The following EPHA5 variants were observed in gnomAD, a reference collection of about 807,000 sequenced individuals.
EPHA5 encodes EPH receptor A5.
A neutral mutation model predicts 105.0 loss-of-function variants in EPHA5; 60 were observed. That is an observed-to-expected ratio of 0.57 (90% CI 0.46 to 0.71). The LOEUF is 0.71. Among genes scored for constraint, EPHA5 ranks in the 30% least tolerant of loss-of-function variants. The pLI, the probability that EPHA5 is intolerant of heterozygous loss-of-function variation, is 0.00. For synonymous variants in EPHA5, 513 were observed against 449.1 expected (o/e 1.14, Z -1.80); for missense variants, 1,218 against 1,274.7 (o/e 0.96, Z 0.68).
intron 3 of EPHA5, among the ~76,000 whole-genome samples, chr4:65,587,529 T>C (rs1439133996): frequency 6.6e-6 from 1 of 152,092 alleles, no homozygotes; most frequent in Non-Finnish European, 1.5e-5. Context: ...TTTAAACCCA[T>C]GTACACAATC....
chr4:65,428,739 C>T (rs1023174222), intron 5 of EPHA5, among the ~76,000 whole-genome samples: 7 of 151,710 alleles, frequency 4.6e-5, no homozygotes, highest in Non-Finnish European at 1.0e-4. Flanking sequence ...CAGCAGGAAA[C>T]GAAAGTAACT....
At chr4:65,341,394 T>A (rs2148824929) in intron 14 of EPHA5, among the ~76,000 whole-genome samples, 1 of 151,994 alleles carries the variant, frequency 6.6e-6, no homozygotes, top group African/African-American at 2.4e-5. Context: ...GTCACACCAT[T>A]GAAATTAGAA....
intron 14 of EPHA5, 46 bp downstream of exon 14, chr4:65,348,008 C>A (rs1400865166): frequency 6.6e-7 from 1 of 1,505,734 alleles, no homozygotes; most frequent in Non-Finnish European, 8.9e-7. Context: ...ACTCAGAGAA[C>A]AAAGCATTTC....
At chr4:65,474,087 G>A (rs1191862372) in intron 5 of EPHA5, among the ~76,000 whole-genome samples, 2 of 151,752 alleles carry the variant, frequency 1.3e-5, no homozygotes, top group Admixed American at 6.6e-5. Context: ...GAGTTAATGG[G>A]TGCAGCACAC....
chr4:65,605,935 T>A lies in EPHA5; in HGVS notation c.247-3631A>T, dbSNP rs148743012. 3.4e-3 allele frequency among the ~76,000 whole-genome samples: 521 copies of A among 152,232 alleles called. 11 individuals carry two copies. Among genetic ancestry groups the A allele is most frequent in the Admixed American group, 0.029 (450 of 15,286 alleles). ...AAGAGCCTTAAAAGAGCCAGTCCTATTGTTCATTTTAGAAATAAGAAATTG... is the reference window on the plus strand; with the variant it reads ...AAGAGCCTTAAAAGAGCCAGTCCTAATGTTCATTTTAGAAATAAGAAATTG... On this transcript the variant is annotated intron_variant, in intron 2 of 16. Transcript: ENST00000613740.
chr4:65,374,432 A>T (rs1469678895), intron 8 of EPHA5, among the ~76,000 whole-genome samples: 1 of 151,962 alleles, frequency 6.6e-6, no homozygotes, highest in East Asian at 1.9e-4. Flanking sequence ...ATATCATCTT[A>T]TAAATGGCAC....
At chr4:65,460,980 T>A (rs1029167760) in intron 5 of EPHA5, among the ~76,000 whole-genome samples, 1 of 151,912 alleles carries the variant, frequency 6.6e-6, no homozygotes, top group Non-Finnish European at 1.5e-5. Flanking sequence ...ATGGATTGTA[T>A]GTGTGATAAA....
intron 3 of EPHA5, among the ~76,000 whole-genome samples, chr4:65,569,620 TG>T (rs1226215148): frequency 4.0e-5 from 6 of 151,678 alleles, no homozygotes; most frequent in Non-Finnish European, 8.9e-5. Context: ...CTCTTTTACT[TG>T]AAACATGCAT....
At chr4:65,664,579 A>G (rs549550978) in intron 1 of EPHA5, among the ~76,000 whole-genome samples, 1 of 152,096 alleles carries the variant, frequency 6.6e-6, no homozygotes, top group East Asian at 1.9e-4. Flanking sequence ...CCCATTAGGT[A>G]TATAAGTATA....
intron 8 of EPHA5, among the ~76,000 whole-genome samples, chr4:65,375,506 A>G (rs1209054411): frequency 6.6e-6 from 1 of 152,026 alleles, no homozygotes; most frequent in South Asian, 2.1e-4. Context: ...GTAGAAAAAG[A>G]TACTATCTTT....
At chr4:65,328,308 T>C (rs931212644) in intron 16 of EPHA5, among the ~76,000 whole-genome samples, 3 of 151,284 alleles carry the variant, frequency 2.0e-5, no homozygotes, top group Non-Finnish European at 4.4e-5. Context: ...TACATTTCAG[T>C]ATTTTTTCAA....
At chr4:65,353,327 T>C (rs1176099396) in intron 11 of EPHA5, among the ~76,000 whole-genome samples, 4 of 147,900 alleles carry the variant, frequency 2.7e-5, no homozygotes, top group Non-Finnish European at 6.0e-5. Context: ...TTTTAATATA[T>C]TTAATATTTT....
chr4:65,404,285 T>A, intron 8 of EPHA5, 89 bp downstream of exon 8: 1 of 993,002 alleles, frequency 1.0e-6, no homozygotes, highest in Non-Finnish European at 1.6e-6. Flanking sequence ...GCCTGATTTG[T>A]TTTGGGATGT....
At chr4:65,630,877 T>G (rs1198681961) in intron 2 of EPHA5, among the ~76,000 whole-genome samples, 1 of 152,196 alleles carries the variant, frequency 6.6e-6, no homozygotes. Flanking sequence ...TTTATTTGTA[T>G]GGATAACTCA....
intron 2 of EPHA5, among the ~76,000 whole-genome samples, chr4:65,622,866 C>A (rs1745826819): frequency 6.6e-6 from 1 of 152,020 alleles, no homozygotes; most frequent in Non-Finnish European, 1.5e-5. Context: ...ATATTTAAAC[C>A]TCAAGCTCAC....
intron 14 of EPHA5, among the ~76,000 whole-genome samples, chr4:65,345,191 T>A (rs751837666): frequency 6.6e-6 from 1 of 152,128 alleles, no homozygotes; most frequent in Non-Finnish European, 1.5e-5. Flanking sequence ...TATATACCAT[T>A]TTCCCAGATT....
At position 65,324,037 on chromosome 4, in the gene EPHA5, T is replaced by C. The variant is rs77062137; in HGVS notation, c.*77A>G. 88,185 of 967,976 alleles carry C rather than the reference T, an allele frequency of 0.091. 4,972 individuals are homozygous for C. The highest frequency in any genetic ancestry group is 0.11 in the Non-Finnish European group (69,967 of 624,966). 60.0% of individuals were successfully genotyped at this position (967,976 alleles called of 1,614,324 possible). On this transcript the variant is annotated 3_prime_UTR_variant, in exon 17 of 17. Coordinates refer to ENST00000613740, the MANE Select transcript of EPHA5 (RefSeq NM_001281766.3). Reference sequence around the variant, plus strand: ...AATCACTGTTTTCCCTTTTCCCCCTTTTTTTGTTAAAATAAATCTCAGTGC... The same window carrying C: ...AATCACTGTTTTCCCTTTTCCCCCTCTTTTTGTTAAAATAAATCTCAGTGC...
At chr4:65,617,195 A>G (rs1247260840) in intron 2 of EPHA5, among the ~76,000 whole-genome samples, 1 of 151,998 alleles carries the variant, frequency 6.6e-6, no homozygotes, top group Admixed American at 6.6e-5. Flanking sequence ...ACCATATCAT[A>G]TTATCTTAAA....
At chr4:65,339,090 G>A (rs1012055631) in intron 14 of EPHA5, among the ~76,000 whole-genome samples, 18 of 152,098 alleles carry the variant, frequency 1.2e-4, no homozygotes, top group Admixed American at 8.5e-4. Flanking sequence ...CTTGGCATTG[G>A]CATGTAAACT....
Sources: gnomAD v4.1 joint callset for allele counts (sites outside exome capture counted in the v4.1 genomes callset) on GRCh38, gnomAD v4.1.1 for gene constraint, MANE v1.5 for transcripts, NCBI Gene and HGNC (gene_info 2026-07-23, HGNC 2026-07-21) for gene names.